PLEKHG1: variants seen among roughly 807,000 people sequenced by gnomAD.
The protein encoded by PLEKHG1 is pleckstrin homology and RhoGEF domain containing G1.
PLEKHG1 carries 44 observed loss-of-function variants against 100.8 expected under a neutral mutation model. That is an observed-to-expected ratio of 0.44 (90% CI 0.34 to 0.56). The LOEUF is 0.56. Ranked by LOEUF, PLEKHG1 falls within the 20% of genes least tolerant of loss-of-function variation. PLEKHG1 has a pLI of 0.01. For missense variants in PLEKHG1, 1,545 were observed against 1,720.9 expected (o/e 0.90, Z 1.81); for synonymous variants, 640 against 662.5 (o/e 0.97, Z 0.52).
chr6:150,631,506 G>A (rs779196777), intron 1 of PLEKHG1, among the ~76,000 whole-genome samples: 1 of 152,244 alleles, frequency 6.6e-6, no homozygotes, highest in African/African-American at 2.4e-5. Context: ...GAGTCGGACA[G>A]AGTCTTGTGG....
exon 16 of PLEKHG1, chr6:150,840,206 C>G (rs749674257): frequency 6.2e-7 from 1 of 1,614,222 alleles, no homozygotes; most frequent in Non-Finnish European, 8.5e-7. Flanking sequence ...ACAAAGAGAA[C>G]TGGTGTCAGG....
intron 2 of PLEKHG1, among the ~76,000 whole-genome samples, chr6:150,757,912 TG>T: frequency 6.6e-6 from 1 of 152,292 alleles, no homozygotes; most frequent in Non-Finnish European, 1.5e-5. Flanking sequence ...GTCCATGTGT[TG>T]TTCAGCTCCC....
chr6:150,839,599 A>C (rs1004386301), intron 15 of PLEKHG1, among the ~76,000 whole-genome samples: 1 of 152,182 alleles, frequency 6.6e-6, no homozygotes, highest in Non-Finnish European at 1.5e-5. Flanking sequence ...AAAATAATGG[A>C]CAATTAGATG....
chr6:150,710,140 A>T (rs1781193107), intron 3 of PLEKHG1, among the ~76,000 whole-genome samples: 1 of 152,224 alleles, frequency 6.6e-6, no homozygotes, highest in Non-Finnish European at 1.5e-5. Context: ...AGAGACTCTT[A>T]AACAGATATC....
chr6:150,680,546 G>A (rs1475946941), intron 3 of PLEKHG1, among the ~76,000 whole-genome samples: 1 of 152,220 alleles, frequency 6.6e-6, no homozygotes, highest in Non-Finnish European at 1.5e-5. Flanking sequence ...GGCTGATCCT[G>A]CAAAGGAGAT....
intron 3 of PLEKHG1, among the ~76,000 whole-genome samples, chr6:150,660,434 G>T (rs977129019): frequency 6.6e-6 from 1 of 152,088 alleles, no homozygotes; most frequent in South Asian, 2.1e-4. Context: ...TTTCTCAGGT[G>T]GATTTACATG....
At chr6:150,621,858 C>T (rs1483081841) in intron 1 of PLEKHG1, among the ~76,000 whole-genome samples, 3 of 152,216 alleles carry the variant, frequency 2.0e-5, no homozygotes, top group East Asian at 1.9e-4. Flanking sequence ...CTGTTTACTT[C>T]GATGTCTGTT....
At chr6:150,816,517 G>A (rs1038903953) in intron 10 of PLEKHG1, among the ~76,000 whole-genome samples, 1 of 151,062 alleles carries the variant, frequency 6.6e-6, no homozygotes, top group Non-Finnish European at 1.5e-5. Context: ...TAGTAGAGAC[G>A]GTTTCACCGT....
At chr6:150,835,948 A>G (rs1292728027) in intron 15 of PLEKHG1, among the ~76,000 whole-genome samples, 1 of 152,172 alleles carries the variant, frequency 6.6e-6, no homozygotes, top group Non-Finnish European at 1.5e-5. Context: ...TGTTCCCATT[A>G]TGAGTTATCT....
intron 13 of PLEKHG1, among the ~76,000 whole-genome samples, chr6:150,823,021 G>A (rs574239812): frequency 6.6e-6 from 1 of 152,278 alleles, no homozygotes; most frequent in East Asian, 1.9e-4. Flanking sequence ...AGTTATGGTG[G>A]GATGGGAGTA....
intron 10 of PLEKHG1, among the ~76,000 whole-genome samples, chr6:150,814,480 C>T (rs1157551480): frequency 6.6e-6 from 1 of 152,230 alleles, no homozygotes; most frequent in African/African-American, 2.4e-5. Context: ...ACTTATTGAG[C>T]ATACACACTG....
intron 14 of PLEKHG1, among the ~76,000 whole-genome samples, chr6:150,827,506 C>G (rs1776680343): frequency 6.6e-6 from 1 of 151,822 alleles, no homozygotes; most frequent in African/African-American, 2.4e-5. Flanking sequence ...GAACTCCCGA[C>G]CTCAGGTGAT....
intron 15 of PLEKHG1, 25 bp downstream of exon 16, chr6:150,832,230 T>A (rs1776986231): frequency 6.5e-7 from 1 of 1,530,108 alleles, no homozygotes; most frequent in Non-Finnish European, 8.7e-7. Flanking sequence ...CCCTTCTTCC[T>A]TCTCCAAAGT....
chr6:150,814,109 C>T (rs1015086684), intron 10 of PLEKHG1, among the ~76,000 whole-genome samples: 3 of 152,118 alleles, frequency 2.0e-5, no homozygotes, highest in Non-Finnish European at 4.4e-5. Flanking sequence ...GTTTTCATTT[C>T]GTCAGGGTGT....
chr6:150,791,711 A>C (rs1005066436), intron 4 of PLEKHG1, among the ~76,000 whole-genome samples: 3 of 151,796 alleles, frequency 2.0e-5, no homozygotes, highest in Non-Finnish European at 2.9e-5. Flanking sequence ...TTTGAATATG[A>C]ATTTCTTTGT....
chr6:150,677,143 G>A (rs1779783231), intron 3 of PLEKHG1, among the ~76,000 whole-genome samples: 1 of 152,252 alleles, frequency 6.6e-6, no homozygotes, highest in East Asian at 1.9e-4. Flanking sequence ...ATTGAGAGTT[G>A]TCTTTTCAAA....
At chr6:150,822,283 A>T (rs2128680220) in intron 13 of PLEKHG1, among the ~76,000 whole-genome samples, 1 of 152,240 alleles carries the variant, frequency 6.6e-6, no homozygotes, top group African/African-American at 2.4e-5. Context: ...AATAAATAGA[A>T]GGGAAAAAAC....
At chr6:150,693,111 AAC>A (rs1780407155) in intron 3 of PLEKHG1, among the ~76,000 whole-genome samples, 1 of 152,102 alleles carries the variant, frequency 6.6e-6, no homozygotes, top group Non-Finnish European at 1.5e-5. Context: ...AACGTAGTGA[AAC>A]ACCATCTCTA....
upstream of PLEKHG1, among the ~76,000 whole-genome samples, chr6:150,717,674 G>A (rs749888286): frequency 4.6e-5 from 7 of 152,240 alleles, no homozygotes; most frequent in East Asian, 1.9e-4. Flanking sequence ...TCCTGGTTGT[G>A]TAACCCGTGC....
Sources: allele counts gnomAD v4.1 joint callset (sites outside exome capture counted in the v4.1 genomes callset), GRCh38; gene constraint gnomAD v4.1.1; transcripts MANE v1.5; gene names NCBI Gene and HGNC (gene_info 2026-07-23, HGNC 2026-07-21).